HTR1F: variants seen among roughly 807,000 people sequenced by gnomAD.
The protein encoded by HTR1F is 5-hydroxytryptamine (serotonin) receptor 1F, G protein-coupled.
HTR1F carries 17 observed loss-of-function variants against 24.0 expected under a neutral mutation model. The observed-to-expected ratio is 0.71, with a 90% CI of 0.48 to 1.06. The LOEUF (loss-of-function observed/expected upper bound fraction) is 1.06. Among genes scored for constraint, HTR1F ranks in the 50% least tolerant of loss-of-function variants. The pLI is 0.00. For synonymous variants in HTR1F, 186 were observed against 156.8 expected (o/e 1.19, Z -1.39); for missense variants, 391 against 427.8 (o/e 0.91, Z 0.76).
chr3:87,796,643 A>G (rs1703910830), intron 1 of HTR1F, among the ~76,000 whole-genome samples: 1 of 152,226 alleles, frequency 6.6e-6, no homozygotes, highest in Admixed American at 6.5e-5. Context: ...GTGTGATATT[A>G]TGGAAGCCAA....
chr3:87,828,437 G>A (rs1260097946), intron 2 of HTR1F, among the ~76,000 whole-genome samples: 1 of 152,140 alleles, frequency 6.6e-6, no homozygotes, highest in Non-Finnish European at 1.5e-5. Flanking sequence ...ATGGAAAATT[G>A]GGATCTACAG....
At chr3:87,961,747 G>A (rs1705065511) in intron 2 of HTR1F, among the ~76,000 whole-genome samples, 1 of 150,750 alleles carries the variant, frequency 6.6e-6, no homozygotes, top group East Asian at 1.9e-4. Flanking sequence ...TTCTTATTTT[G>A]TAACCTGAAA....
chr3:87,921,794 T>C (rs79755210), intron 2 of HTR1F, among the ~76,000 whole-genome samples: 2,935 of 152,030 alleles, frequency 0.019, 79 homozygotes, highest in African/African-American at 0.064. Context: ...TTGTTTACCA[T>C]AGAAATATTA....
intron 2 of HTR1F, among the ~76,000 whole-genome samples, chr3:87,955,878 A>T (rs1286272817): frequency 6.6e-6 from 1 of 151,284 alleles, no homozygotes; most frequent in African/African-American, 2.4e-5. Flanking sequence ...TTTTTAAGTG[A>T]GTTTTTTTAA....
chr3:87,897,898 G>A (rs535289667), intron 2 of HTR1F, among the ~76,000 whole-genome samples: 1 of 152,134 alleles, frequency 6.6e-6, no homozygotes, highest in South Asian at 2.1e-4. Flanking sequence ...TATGCAACCT[G>A]TTTATTATAC....
intron 2 of HTR1F, among the ~76,000 whole-genome samples, chr3:87,880,103 A>G (rs1449548403): frequency 6.6e-6 from 1 of 152,216 alleles, no homozygotes; most frequent in Non-Finnish European, 1.5e-5. Flanking sequence ...TTCGGTATAC[A>G]AAATTTTAAG....
At chr3:87,966,789 G>C (rs890233490) in intron 2 of HTR1F, among the ~76,000 whole-genome samples, 1 of 152,132 alleles carries the variant, frequency 6.6e-6, no homozygotes, top group African/African-American at 2.4e-5. Context: ...AATTAGTTAA[G>C]AGTAGAATTC....
At position 87,976,338 on chromosome 3, in the gene HTR1F, C is replaced by T. The variant is rs140039165; in HGVS notation, c.-42-14370C>T. ...AGAGAGGGAAATAAATATGTTGTCCCTGAAATTGCTTAAACTGTGCCAGCT... is the reference window on the plus strand; with the variant it reads ...AGAGAGGGAAATAAATATGTTGTCCTTGAAATTGCTTAAACTGTGCCAGCT... On this transcript the variant is annotated intron_variant, in intron 2 of 2. Transcript: ENST00000319595. Among the ~76,000 whole-genome samples the T allele has an allele frequency of 4.7e-4, 72 of 152,016 alleles. No individual in the cohort carries two copies. In the East Asian group the frequency reaches 0.013, roughly 28 times the overall value.
chr3:87,954,423 T>C (rs1704900293), intron 2 of HTR1F, among the ~76,000 whole-genome samples: 1 of 151,766 alleles, frequency 6.6e-6, no homozygotes, highest in South Asian at 2.1e-4. Context: ...CTGCAATAAA[T>C]ATACGTAGCC....
rs1704065819 is a variant in HTR1F, at chr3:87,805,901, ATGTT to A, written c.-160+13063_-160+13066del. ...GAACTTATGCCTTCTAACTAACCACATGTTTGTACTCATTAACCAAACACTTTTT... is the reference window on the plus strand; with the variant it reads ...GAACTTATGCCTTCTAACTAACCACATGTACTCATTAACCAAACACTTTTT... On this transcript the variant is annotated intron_variant, in intron 1 of 2. Coordinates refer to ENST00000319595, the MANE Select transcript of HTR1F (RefSeq NM_001322209.2). Among the ~76,000 whole-genome samples the A allele has an allele frequency of 1.3e-5, 2 of 149,148 alleles. 1 individual carries two copies. Among genetic ancestry groups the A allele is most frequent in the East Asian group, 3.9e-4 (2 of 5,182 alleles).
chr3:87,809,156 A>G (rs1243855813), intron 1 of HTR1F, among the ~76,000 whole-genome samples: 3 of 151,824 alleles, frequency 2.0e-5, no homozygotes, highest in East Asian at 1.9e-4. Context: ...AAAATAGTCA[A>G]TATATCATCA....
At chr3:87,949,715 C>T (rs1387832195) in intron 2 of HTR1F, among the ~76,000 whole-genome samples, 1 of 152,162 alleles carries the variant, frequency 6.6e-6, no homozygotes, top group Non-Finnish European at 1.5e-5. Context: ...TGTAACCACT[C>T]TAATTACCAT....
chr3:87,897,752 G>A (rs1559623061), intron 2 of HTR1F, among the ~76,000 whole-genome samples: 5 of 151,890 alleles, frequency 3.3e-5, no homozygotes, highest in Admixed American at 1.3e-4. Context: ...CACTTTTCAT[G>A]TTCTTTCACA....
intron 2 of HTR1F, among the ~76,000 whole-genome samples, chr3:87,958,854 A>G (rs924920109): frequency 4.0e-5 from 6 of 151,340 alleles, no homozygotes; most frequent in Admixed American, 2.0e-4. Flanking sequence ...TTTTTACTTT[A>G]TATTTCCTCC....
intron 2 of HTR1F, among the ~76,000 whole-genome samples, chr3:87,930,669 G>T (rs1047607524): frequency 2.0e-5 from 3 of 152,086 alleles, no homozygotes; most frequent in Non-Finnish European, 4.4e-5. Flanking sequence ...TTTTTTATGT[G>T]CTTCTGGATT....
At chr3:87,876,126 G>T (rs1174575263) in intron 2 of HTR1F, among the ~76,000 whole-genome samples, 1 of 152,148 alleles carries the variant, frequency 6.6e-6, no homozygotes, top group Non-Finnish European at 1.5e-5. Flanking sequence ...AGGATGTGTA[G>T]AATTGGAGAC....
intron 1 of HTR1F, among the ~76,000 whole-genome samples, chr3:87,805,953 T>A (rs1421305921): frequency 1.3e-5 from 2 of 152,088 alleles, no homozygotes; most frequent in South Asian, 4.1e-4. Flanking sequence ...ACATGCACAT[T>A]CATTACTTTC....
intron 2 of HTR1F, among the ~76,000 whole-genome samples, chr3:87,956,374 G>A (rs563621232): frequency 4.0e-5 from 6 of 151,388 alleles, no homozygotes; most frequent in Non-Finnish European, 8.9e-5. Flanking sequence ...TTGCTATGAC[G>A]TATATCTCTG....
intron 2 of HTR1F, among the ~76,000 whole-genome samples, chr3:87,983,301 A>G (rs528884926): frequency 1.3e-5 from 2 of 152,222 alleles, no homozygotes; most frequent in Non-Finnish European, 2.9e-5. Flanking sequence ...ATACATATAC[A>G]TGGCAAATAT....
Sources: gnomAD v4.1 joint callset for allele counts (sites outside exome capture counted in the v4.1 genomes callset) on GRCh38, gnomAD v4.1.1 for gene constraint, MANE v1.5 for transcripts, NCBI Gene and HGNC (gene_info 2026-07-23, HGNC 2026-07-21) for gene names.